The following CHRM5 variants were observed in gnomAD, a reference collection of about 807,000 sequenced individuals.
CHRM5 encodes muscarinic acetylcholine receptor M5.
A neutral mutation model predicts 39.0 loss-of-function variants in CHRM5; 18 were observed. The observed-to-expected ratio is 0.46, with a 90% CI of 0.32 to 0.68. The LOEUF (loss-of-function observed/expected upper bound fraction) is 0.68. Ranked by LOEUF, CHRM5 falls within the 30% of genes least tolerant of loss-of-function variation. The pLI is 0.04. For missense variants in CHRM5, 515 were observed against 651.1 expected, an observed-to-expected ratio of 0.79 and a Z score of 2.28; for synonymous variants, 241 against 246.3, an observed-to-expected ratio of 0.98 and a Z score of 0.20.
At chr15:34,030,372 G>C (rs1307938529) in intron 1 of CHRM5, among the ~76,000 whole-genome samples, 1 of 152,116 alleles carries the variant, frequency 6.6e-6, no homozygotes, top group Non-Finnish European at 1.5e-5. Flanking sequence ...TTGAGACGGA[G>C]TCTTGCTCTG....
intron 1 of CHRM5, among the ~76,000 whole-genome samples, chr15:33,997,343 C>T (rs1230387668): frequency 6.6e-6 from 1 of 151,844 alleles, no homozygotes; most frequent in Non-Finnish European, 1.5e-5. Flanking sequence ...ACAAAATAGC[C>T]AAATGGTCAA....
intron 1 of CHRM5, among the ~76,000 whole-genome samples, chr15:33,972,696 G>A (rs570040543): frequency 1.4e-4 from 21 of 152,082 alleles, no homozygotes; most frequent in Non-Finnish European, 4.4e-5. Context: ...AAACACATAG[G>A]CATATACAGA....
intron 2 of CHRM5, among the ~76,000 whole-genome samples, chr15:34,049,239 G>T (rs1252577824): frequency 6.6e-6 from 1 of 152,160 alleles, no homozygotes; most frequent in African/African-American, 2.4e-5. Context: ...TTCTGAAAGT[G>T]GGTAATAACA....
chr15:33,987,486 A>C (rs1896528054), intron 1 of CHRM5, among the ~76,000 whole-genome samples: 1 of 152,176 alleles, frequency 6.6e-6, no homozygotes, highest in South Asian at 2.1e-4. Flanking sequence ...TCCCTACTCC[A>C]GCCTCAGATT....
chr15:34,036,786 C>A (rs956260981), intron 1 of CHRM5, among the ~76,000 whole-genome samples: 3 of 152,100 alleles, frequency 2.0e-5, no homozygotes, highest in Non-Finnish European at 4.4e-5. Context: ...TTTTTAAAGT[C>A]TTGTATTATT....
At chr15:34,044,293 T>C (rs1597384346) in intron 1 of CHRM5, among the ~76,000 whole-genome samples, 2 of 152,338 alleles carry the variant, frequency 1.3e-5, no homozygotes, top group Admixed American at 1.3e-4. Context: ...CAAGTTTCAC[T>C]GTGATCTCCA....
intron 1 of CHRM5, among the ~76,000 whole-genome samples, chr15:34,019,401 AAAGT>A (rs1898106869): frequency 6.6e-6 from 1 of 152,228 alleles, no homozygotes; most frequent in African/African-American, 2.4e-5. Context: ...AAAAGTTTAT[AAAGT>A]AAGAAAATTA....
intron 1 of CHRM5, among the ~76,000 whole-genome samples, chr15:34,016,667 T>C (rs1260083865): frequency 6.6e-6 from 1 of 152,242 alleles, no homozygotes; most frequent in Non-Finnish European, 1.5e-5. Flanking sequence ...TTGTATGCTA[T>C]GGAGTATGTA....
rs924944486 is a variant in CHRM5 at position 33,995,639 on chromosome 15, C to T, written c.-408+26489C>T. On this transcript the variant is annotated intron_variant, in intron 1 of 2. Coordinates refer to ENST00000383263, the MANE Select transcript of CHRM5 (RefSeq NM_012125.4). ...AAAGAGTTTCTGCTCAGACATTTTTCGAAGTTACTGAAATGACTAAATGAA... is the reference window on the plus strand; with the variant it reads ...AAAGAGTTTCTGCTCAGACATTTTTTGAAGTTACTGAAATGACTAAATGAA... Among the ~76,000 whole-genome samples the T allele has an allele frequency of 4.6e-5, 7 of 152,150 alleles. No homozygotes were observed. In the East Asian group the frequency reaches 5.8e-4, roughly 13 times the overall value.
chr15:34,036,126 T>C (rs1239340083), intron 1 of CHRM5, among the ~76,000 whole-genome samples: 1 of 151,940 alleles, frequency 6.6e-6, no homozygotes, highest in African/African-American at 2.4e-5. Context: ...AAGTTAATGA[T>C]TGTATCTAGT....
chr15:34,030,806 A>G (rs1452753141), intron 1 of CHRM5, among the ~76,000 whole-genome samples: 1 of 151,728 alleles, frequency 6.6e-6, no homozygotes, highest in Non-Finnish European at 1.5e-5. Context: ...TGTTGTTGAC[A>G]GGGATCTTGC....
intron 1 of CHRM5, among the ~76,000 whole-genome samples, chr15:34,025,747 T>C (rs928304748): frequency 2.6e-5 from 4 of 152,036 alleles, no homozygotes; most frequent in Non-Finnish European, 5.9e-5. Flanking sequence ...TTTGTTTTGG[T>C]TTGGTTTTGC....
intron 1 of CHRM5, among the ~76,000 whole-genome samples, 197 bp from the exon 2 acceptor site, chr15:34,046,343 G>GA (rs56286203): frequency 0.73 from 103,686 of 141,350 alleles, 38,526 homozygotes; most frequent in East Asian, 0.95. Context: ...AGTGAGGCAG[G>GA]AAAAAAAAAA....
At chr15:34,005,436 T>C (rs1897302074) in intron 1 of CHRM5, among the ~76,000 whole-genome samples, 1 of 152,206 alleles carries the variant, frequency 6.6e-6, no homozygotes, top group East Asian at 1.9e-4. Flanking sequence ...TTACAGATTT[T>C]TTTTATCTCC....
intron 1 of CHRM5, chr15:34,039,222 G>T (rs1341406481): frequency 7.1e-6 from 3 of 424,130 alleles, no homozygotes; most frequent in Non-Finnish European, 9.6e-6. Context: ...GGCGGGGCGG[G>T]GCGGCCGGCG....
intron 1 of CHRM5, among the ~76,000 whole-genome samples, chr15:34,011,648 A>T (rs1421659905): frequency 6.6e-6 from 1 of 152,180 alleles, no homozygotes; most frequent in East Asian, 1.9e-4. Flanking sequence ...TCCCACAACC[A>T]AGAAAATGGG....
At chr15:34,032,755 T>G (rs1458134390) in intron 1 of CHRM5, among the ~76,000 whole-genome samples, 2 of 152,214 alleles carry the variant, frequency 1.3e-5, no homozygotes, top group Non-Finnish European at 2.9e-5. Flanking sequence ...ACAGCACAAC[T>G]GCTTTTCAGC....
At chr15:34,027,522 C>A (rs1898539340) in intron 1 of CHRM5, among the ~76,000 whole-genome samples, 1 of 119,890 alleles carries the variant, frequency 8.3e-6, no homozygotes. Flanking sequence ...AAGAGAGACT[C>A]TGTCTCAAAA....
At chr15:34,022,958 C>T (rs564612155) in intron 1 of CHRM5, among the ~76,000 whole-genome samples, 18 of 152,292 alleles carry the variant, frequency 1.2e-4, no homozygotes, top group East Asian at 1.9e-4. Flanking sequence ...GAGGCCGAGG[C>T]GGGCGGATCA....
Sources: allele counts gnomAD v4.1 joint callset (sites outside exome capture counted in the v4.1 genomes callset), GRCh38; gene constraint gnomAD v4.1.1; transcripts MANE v1.5; gene names NCBI Gene and HGNC (gene_info 2026-07-23, HGNC 2026-07-21).